The following COL4A4 variants were observed in gnomAD, a reference collection of about 807,000 sequenced individuals.
COL4A4 encodes the protein collagen type IV alpha 4 chain.
COL4A4 carries 105 observed loss-of-function variants against 192.9 expected under a neutral mutation model. The observed-to-expected ratio is 0.54, with a 90% CI of 0.46 to 0.64. The LOEUF is 0.64. Ranked by LOEUF, COL4A4 falls within the 30% of genes least tolerant of loss-of-function variation. The pLI is 0.00. For missense variants in COL4A4, 1,967 were observed against 2,169.3 expected, an observed-to-expected ratio of 0.91 and a Z score of 1.85; for synonymous variants, 762 against 769.9, an observed-to-expected ratio of 0.99 and a Z score of 0.17.
At chr2:227,065,736 A>G (rs191703177) in intron 25 of COL4A4, among the ~76,000 whole-genome samples, 18 of 152,356 alleles carry the variant, frequency 1.2e-4, no homozygotes, top group East Asian at 1.9e-4. Flanking sequence ...CATCACCATC[A>G]TCAAAGACCA....
At chr2:227,090,083 C>T (rs879175110) in intron 20 of COL4A4, 126 bp from the exon 21 acceptor site, 53 of 674,538 alleles carry the variant, frequency 7.9e-5, no homozygotes, top group South Asian at 6.2e-4. Flanking sequence ...CCATTCTTTG[C>T]GCCCTTGTTT....
intron 5 of COL4A4, 112 bp downstream of exon 5, chr2:227,120,902 G>T (rs2061741900): frequency 7.1e-7 from 1 of 1,401,992 alleles, no homozygotes. Context: ...TCCCACCACT[G>T]CATTCTAGCC....
intron 4 of COL4A4, among the ~76,000 whole-genome samples, chr2:227,121,374 G>T (rs1029407591): frequency 1.3e-5 from 2 of 151,994 alleles, no homozygotes; most frequent in African/African-American, 4.8e-5. Flanking sequence ...ACCAGCGTGG[G>T]CAACAAAGTG....
intron 35 of COL4A4, among the ~76,000 whole-genome samples, chr2:227,045,862 ACACATATATATACATATATAT>A (rs1972519083): frequency 4.5e-5 from 4 of 88,702 alleles, no homozygotes; most frequent in Non-Finnish European, 8.5e-5. Flanking sequence ...ATATATATAT[ACACATATATATACATATATAT>A]GTATATATAT....
intron 3 of COL4A4, among the ~76,000 whole-genome samples, chr2:227,141,349 A>G (rs541149427): frequency 9.2e-5 from 14 of 152,250 alleles, no homozygotes; most frequent in Non-Finnish European, 1.9e-4. Context: ...TATGATGGGA[A>G]AACATAAAAC....
chr2:227,050,533 G>C, intron 33 of COL4A4, among the ~76,000 whole-genome samples: 1 of 152,334 alleles, frequency 6.6e-6, no homozygotes, highest in Non-Finnish European at 1.5e-5. Flanking sequence ...GAAGTATAAT[G>C]TTGGCAACTA....
rs1019388756 is a variant in COL4A4 at position 227,094,217 on chromosome 2, C to T, written c.1277G>A (p.Gly426Glu). ...TTTTCCTGGAGCAGAATCAGGTCTCCCAGGAATACCAGCTTCTCCTGGAAG... is the reference window on the plus strand; with the variant it reads ...TTTTCCTGGAGCAGAATCAGGTCTCTCAGGAATACCAGCTTCTCCTGGAAG... The part of the protein sequence containing the change: ...PGLPGEAGIP[G>E]RPDSAPGKPG... Residue 426 changes from glycine (G) to glutamate (E), a missense_variant, in exon 20 of 48, where the codon GGG (glycine) becomes GAG (glutamate). Physicochemically the swap from Gly to Glu is moderately conservative, Grantham distance 98 (BLOSUM62 -2). Coordinates refer to ENST00000396625, the MANE Select transcript of COL4A4 (RefSeq NM_000092.5). 15 of 1,613,658 alleles carry T rather than the reference C, an allele frequency of 9.3e-6. No homozygotes were observed. In the African/African-American group the frequency reaches 1.2e-4, roughly 13 times the overall value.
At chr2:227,041,812 GAA>G (rs1180659870) in intron 37 of COL4A4, among the ~76,000 whole-genome samples, 4 of 29,616 alleles carry the variant, frequency 1.4e-4, no homozygotes, top group African/African-American at 6.6e-4. Flanking sequence ...AAGGAAGAAA[GAA>G]AGAAAGAAAG....
At chr2:227,136,299 G>T (rs1033180872) in intron 4 of COL4A4, among the ~76,000 whole-genome samples, 1 of 152,190 alleles carries the variant, frequency 6.6e-6, no homozygotes, top group African/African-American at 2.4e-5. Flanking sequence ...TGACTGTGAT[G>T]AGCAGAAAGG....
chr2:227,127,188 G>A (rs547833760), intron 4 of COL4A4, among the ~76,000 whole-genome samples: 3 of 152,302 alleles, frequency 2.0e-5, no homozygotes, highest in South Asian at 2.1e-4. Flanking sequence ...TTTTGGCTAC[G>A]TGCGCATGCA....
intron 7 of COL4A4, among the ~76,000 whole-genome samples, chr2:227,115,323 T>C (rs1427331857): frequency 6.9e-6 from 1 of 145,724 alleles, no homozygotes; most frequent in Admixed American, 7.2e-5. Context: ...CAGGCTGGAG[T>C]GCAGTGGCGC....
chr2:226,993,593 C>T, the COL4A4 span, among the ~76,000 whole-genome samples: 22 of 152,188 alleles, frequency 1.4e-4, no homozygotes, highest in African/African-American at 5.1e-4. Context: ...ATGGCAAAAA[C>T]GTTTTTTGGG....
Position 227,108,608 on chromosome 2 carries a change from C to T in COL4A4, c.708G>A (p.Val236=), listed in dbSNP as rs1273530289. 8.7e-6 allele frequency: 14 copies of T among 1,613,948 alleles called. No individual in the cohort carries two copies. The highest frequency in any genetic ancestry group is 1.2e-5 in the Non-Finnish European group (14 of 1,179,966). The change falls in exon 12 of 48, where the codon GTG becomes GTA. Residue 236 remains valine (V), a synonymous_variant. Coordinates refer to ENST00000396625, the MANE Select transcript of COL4A4 (RefSeq NM_000092.5). ...GGTCTCCCATTTGCCCCTTTACTCCCACACCGGGATTTCCCTGAGAAAGAA... is the reference window on the plus strand; with the variant it reads ...GGTCTCCCATTTGCCCCTTTACTCCTACACCGGGATTTCCCTGAGAAAGAA... ...GRPGLKGNPG[V]GVKGQMGDPG...
chr2:227,111,438 G>C (rs985983210), intron 9 of COL4A4, among the ~76,000 whole-genome samples: 1 of 152,178 alleles, frequency 6.6e-6, no homozygotes, highest in Non-Finnish European at 1.5e-5. Flanking sequence ...GAGGGAGCTT[G>C]ATGAGCTTCA....
chr2:227,070,235 A>T (rs1185589699), intron 25 of COL4A4, among the ~76,000 whole-genome samples: 3 of 151,528 alleles, frequency 2.0e-5, no homozygotes, highest in African/African-American at 7.3e-5. Context: ...GCTGGAGAGG[A>T]TGTGGAGAAA....
Position 227,082,117 on chromosome 2 carries a change from T to A in COL4A4, c.1694A>T (p.Lys565Ile). Residue 565 changes from lysine to isoleucine, a missense_variant and splice_region_variant, in exon 23 of 48, where the codon AAA (lysine) becomes ATA (isoleucine). Physicochemically the swap from Lys to Ile is moderately radical, Grantham distance 102 (BLOSUM62 -3). Transcript: ENST00000396625. ...AKGDMVVSRV[K>I]GHKGERGPDG... ...GTTAAGTGATTGATTATGCTCACCT[T>A]TAACTCTTGATACAACCATGTCACC... 6.2e-7 allele frequency: 1 copy of A among 1,614,086 alleles called. No homozygotes were observed. Among genetic ancestry groups the A allele is most frequent in the Non-Finnish European group, 8.5e-7 (1 of 1,179,920 alleles).
intron 1 of COL4A4, among the ~76,000 whole-genome samples, chr2:227,159,985 C>T (rs2064686755): frequency 6.6e-6 from 1 of 152,202 alleles, no homozygotes; most frequent in African/African-American, 2.4e-5. Flanking sequence ...AAGGTGTTCA[C>T]AGGGACCATG....
chr2:227,062,071 C>T lies in COL4A4; in HGVS notation c.2056+459G>A, dbSNP rs552345982. Among the ~76,000 whole-genome samples, 14 of 152,092 alleles carry T rather than the reference C, an allele frequency of 9.2e-5. No individual in the cohort carries two copies. In the South Asian group the frequency reaches 2.9e-3, roughly 32 times the overall value. ...TAACCAATATGGTGAAACCCTGTCT[C>T]TACTAAAAACACAAAAATTAGCCGG... On this transcript the variant is annotated intron_variant, in intron 26 of 47. Transcript: ENST00000396625.
chr2:227,065,239 G>A (rs192682765), intron 25 of COL4A4, among the ~76,000 whole-genome samples: 3 of 152,306 alleles, frequency 2.0e-5, no homozygotes, highest in South Asian at 4.1e-4. Context: ...AGGGTCCTAC[G>A]CCAGGCTGAT....
Sources: gnomAD v4.1 joint callset for allele counts (sites outside exome capture counted in the v4.1 genomes callset) on GRCh38, gnomAD v4.1.1 for gene constraint, MANE v1.5 for transcripts, NCBI Gene and HGNC (gene_info 2026-07-23, HGNC 2026-07-21) for gene names.